Variants in IQCJ observed in about 807,000 individuals in gnomAD.
IQCJ encodes the protein IQ motif containing J.
In IQCJ, 9 loss-of-function variants were observed where a neutral mutation model predicts 11.0. The observed-to-expected ratio is 0.82, with a 90% confidence interval of 0.49 to 1.43. The LOEUF (loss-of-function observed/expected upper bound fraction) is 1.43. IQCJ is among the 40% of genes most tolerant of loss of function. The pLI, the probability that IQCJ is intolerant of heterozygous loss-of-function variation, is 0.00. For synonymous variants in IQCJ, 55 were observed against 51.3 expected (o/e 1.07, Z -0.31); for missense variants, 146 against 133.2 (o/e 1.10, Z -0.47).
chr3:159,231,555 C>T (rs750006511), intron 1 of IQCJ, among the ~76,000 whole-genome samples: 1 of 152,100 alleles, frequency 6.6e-6, no homozygotes, highest in East Asian at 1.9e-4. Flanking sequence ...AGGTTTTTTG[C>T]ATCAATGTTC....
intron 1 of IQCJ, among the ~76,000 whole-genome samples, chr3:159,179,744 C>T (rs187777977): frequency 6.8e-4 from 103 of 152,284 alleles, no homozygotes; most frequent in Non-Finnish European, 1.3e-3. Context: ...ACCTTTAATA[C>T]ATTATTTTCT....
At chr3:159,190,406 C>T (rs556585464) in intron 1 of IQCJ, among the ~76,000 whole-genome samples, 40 of 152,300 alleles carry the variant, frequency 2.6e-4, no homozygotes, top group South Asian at 6.2e-4. Context: ...TGCTGACTTC[C>T]GAGATTTACA....
At chr3:159,111,057 C>T (rs1363225202) in intron 1 of IQCJ, among the ~76,000 whole-genome samples, 2 of 152,142 alleles carry the variant, frequency 1.3e-5, no homozygotes, top group Non-Finnish European at 2.9e-5. Context: ...TTGCCCTGGG[C>T]CTCACTTCTC....
intron 3 of IQCJ, among the ~76,000 whole-genome samples, chr3:159,262,260 A>C (rs1728255191): frequency 6.6e-6 from 1 of 152,236 alleles, no homozygotes; most frequent in Admixed American, 6.5e-5. Flanking sequence ...ACCTGTGCAA[A>C]CTAGTTTGTT....
chr3:159,142,429 C>T (rs879280617), intron 1 of IQCJ, among the ~76,000 whole-genome samples: 13 of 84,306 alleles, frequency 1.5e-4, no homozygotes, highest in African/African-American at 5.0e-4. Flanking sequence ...CTTTTCCCCC[C>T]CCCACCAGAT....
intron 1 of IQCJ, among the ~76,000 whole-genome samples, chr3:159,171,229 C>T (rs909065131): frequency 6.6e-6 from 1 of 151,956 alleles, no homozygotes; most frequent in Non-Finnish European, 1.5e-5. Context: ...CTATCTAAAT[C>T]TATATTTATC....
At chr3:159,183,142 C>T (rs534798729) in intron 1 of IQCJ, among the ~76,000 whole-genome samples, 1 of 152,168 alleles carries the variant, frequency 6.6e-6, no homozygotes, top group East Asian at 1.9e-4. Context: ...CAGATACAGC[C>T]ACTGCAGGGC....
chr3:159,212,540 A>G (rs918007053), intron 1 of IQCJ, among the ~76,000 whole-genome samples: 1 of 152,198 alleles, frequency 6.6e-6, no homozygotes, highest in Non-Finnish European at 1.5e-5. Context: ...CTTCCAGGCT[A>G]TCATGGGGCA....
chr3:159,263,904 C>G (rs1462965310), downstream of IQCJ, among the ~76,000 whole-genome samples: 1 of 152,144 alleles, frequency 6.6e-6, no homozygotes, highest in Non-Finnish European at 1.5e-5. Context: ...AATGGCTTAT[C>G]CTAACTGACC....
intron 1 of IQCJ, among the ~76,000 whole-genome samples, chr3:159,164,962 C>T (rs1380056648): frequency 6.6e-6 from 1 of 152,152 alleles, no homozygotes; most frequent in Admixed American, 6.5e-5. Flanking sequence ...GCTAGAGCTC[C>T]ATCAACCACA....
intron 1 of IQCJ, among the ~76,000 whole-genome samples, chr3:159,159,091 T>C (rs780951607): frequency 6.6e-6 from 1 of 152,130 alleles, no homozygotes; most frequent in Non-Finnish European, 1.5e-5. Flanking sequence ...CCCTTTGTTG[T>C]AGTTTTAATA....
At chr3:159,089,994 C>T (rs1717124689) in intron 1 of IQCJ, among the ~76,000 whole-genome samples, 1 of 151,830 alleles carries the variant, frequency 6.6e-6, no homozygotes, top group African/African-American at 2.4e-5. Flanking sequence ...AGGAGAGGTG[C>T]TCTGCTTTTT....
intron 1 of IQCJ, among the ~76,000 whole-genome samples, chr3:159,183,026 G>A (rs1191217267): frequency 2.0e-5 from 3 of 152,140 alleles, no homozygotes; most frequent in Non-Finnish European, 2.9e-5. Flanking sequence ...TGTTTGGTAT[G>A]TACAGAAAGT....
chr3:159,230,101 G>A (rs1423177901), intron 1 of IQCJ, among the ~76,000 whole-genome samples: 1 of 151,452 alleles, frequency 6.6e-6, no homozygotes, highest in Non-Finnish European at 1.5e-5. Flanking sequence ...GTCCAGGTAT[G>A]CTTAATGTTT....
chr3:159,070,467 T>G (rs1715493412), intron 1 of IQCJ, among the ~76,000 whole-genome samples: 1 of 152,118 alleles, frequency 6.6e-6, no homozygotes, highest in Non-Finnish European at 1.5e-5. Context: ...AAAAGACTTA[T>G]TTTGAAAAAT....
chr3:159,151,394 G>A (rs529173639), intron 1 of IQCJ, among the ~76,000 whole-genome samples: 91 of 152,192 alleles, frequency 6.0e-4, no homozygotes, highest in African/African-American at 2.1e-3. Flanking sequence ...TGACTGGCTC[G>A]GCTCTGTCCT....
intron 3 of IQCJ, among the ~76,000 whole-genome samples, chr3:159,255,195 A>C (rs997166704): frequency 6.6e-6 from 1 of 152,144 alleles, no homozygotes; most frequent in Admixed American, 6.5e-5. Context: ...CTGAGAGTCT[A>C]TCTTCTCCTG....
intron 1 of IQCJ, chr3:159,069,841 TC>T: frequency 2.4e-6 from 1 of 424,570 alleles, no homozygotes; most frequent in Non-Finnish European, 4.6e-6. Context: ...AGCCCTCCTT[TC>T]TTGTGTGTGT....
chr3:159,256,751 CCACTTGGGCTAATAAAATAT>C, intron 3 of IQCJ, among the ~76,000 whole-genome samples: 1 of 152,298 alleles, frequency 6.6e-6, no homozygotes, highest in East Asian at 1.9e-4. Flanking sequence ...ATTTTTATGT[CCACTTGGGCTAATAAAATAT>C]TGCCAGGAGG....
Sources: allele counts gnomAD v4.1 joint callset (sites outside exome capture counted in the v4.1 genomes callset), GRCh38; gene constraint gnomAD v4.1.1; transcripts MANE v1.5; gene names NCBI Gene and HGNC (gene_info 2026-07-23, HGNC 2026-07-21).